The following IGF1R variants were observed in gnomAD, a reference collection of about 807,000 sequenced individuals.
The protein encoded by IGF1R is insulin-like growth factor 1 receptor.
A neutral mutation model predicts 144.6 loss-of-function variants in IGF1R; 44 were observed. That is an observed-to-expected ratio of 0.30 (90% confidence interval 0.24 to 0.39). The LOEUF (loss-of-function observed/expected upper bound fraction) is 0.39. Among genes scored for constraint, IGF1R ranks in the 10% least tolerant of loss-of-function variants. IGF1R has a pLI of 1.00. For synonymous variants in IGF1R, 795 were observed against 722.8 expected (o/e 1.10, Z -1.60); for missense variants, 1,355 against 1,833.7 (o/e 0.74, Z 4.77).
At chr15:98,929,290 C>A (rs149067706) in intron 13 of IGF1R, among the ~76,000 whole-genome samples, 9 of 152,244 alleles carry the variant, frequency 5.9e-5, no homozygotes, top group Middle Eastern at 3.4e-3. Flanking sequence ...TTTCTTCAGT[C>A]TATCATTGAA....
intron 13 of IGF1R, among the ~76,000 whole-genome samples, chr15:98,929,005 A>G (rs934832162): frequency 2.0e-5 from 3 of 152,210 alleles, no homozygotes; most frequent in African/African-American, 7.2e-5. Context: ...GACTGTACAT[A>G]GATGTAAGAA....
intron 2 of IGF1R, among the ~76,000 whole-genome samples, chr15:98,850,089 G>A (rs766977291): frequency 7.2e-5 from 11 of 152,236 alleles, no homozygotes; most frequent in Non-Finnish European, 1.3e-4. Context: ...GTTGTTCATT[G>A]TAGTGTTTCA....
chr15:98,727,756 A>C (rs1375732618), intron 2 of IGF1R, among the ~76,000 whole-genome samples: 13 of 152,136 alleles, frequency 8.5e-5, no homozygotes, highest in African/African-American at 3.1e-4. Flanking sequence ...TGGGTCCAGC[A>C]CCCGCTGGGA....
At chr15:98,881,030 C>G (rs958817426) in intron 2 of IGF1R, among the ~76,000 whole-genome samples, 4 of 152,166 alleles carry the variant, frequency 2.6e-5, no homozygotes, top group Admixed American at 2.0e-4. Context: ...AGGCTGGAAA[C>G]TGCTTGCACA....
At chr15:98,675,265 A>G (rs897173526) in intron 1 of IGF1R, among the ~76,000 whole-genome samples, 2 of 152,182 alleles carry the variant, frequency 1.3e-5, no homozygotes, top group African/African-American at 4.8e-5. Context: ...CTGGGATTAC[A>G]GGTGTGAGCC....
At chr15:98,875,115 T>C (rs926577316) in intron 2 of IGF1R, among the ~76,000 whole-genome samples, 4 of 152,064 alleles carry the variant, frequency 2.6e-5, no homozygotes, top group African/African-American at 9.7e-5. Flanking sequence ...CCTGCCCAGG[T>C]CCTCGGCTCC....
At chr15:98,841,809 C>T (rs1400603696) in intron 2 of IGF1R, among the ~76,000 whole-genome samples, 1 of 152,184 alleles carries the variant, frequency 6.6e-6, no homozygotes, top group African/African-American at 2.4e-5. Context: ...GGTTGCTTTT[C>T]TTCCTTGGAA....
intron 1 of IGF1R, among the ~76,000 whole-genome samples, chr15:98,667,734 C>G (rs2052780982): frequency 6.6e-6 from 1 of 152,146 alleles, no homozygotes; most frequent in South Asian, 2.1e-4. Context: ...TCACCTTGGT[C>G]TGAGACCAAT....
chr15:98,766,928 A>T (rs2055450765), intron 2 of IGF1R, among the ~76,000 whole-genome samples: 1 of 152,218 alleles, frequency 6.6e-6, no homozygotes, highest in African/African-American at 2.4e-5. Context: ...ACTCCAGCTC[A>T]TCCAGCCAGC....
intron 13 of IGF1R, 121 bp from the exon 14 acceptor site, chr15:98,929,437 T>C (rs2015853988): frequency 1.3e-6 from 1 of 774,290 alleles, no homozygotes; most frequent in Non-Finnish European, 2.3e-6. Context: ...ATTCTTACTG[T>C]ATGATGGGGA....
chr15:98,947,078 G>T (rs1321236900), intron 19 of IGF1R, among the ~76,000 whole-genome samples: 3 of 152,174 alleles, frequency 2.0e-5, no homozygotes, highest in Non-Finnish European at 2.9e-5. Context: ...AGAGCTTCCC[G>T]CACAAAGCTG....
At chr15:98,928,710 T>C (rs2015822333) in intron 13 of IGF1R, among the ~76,000 whole-genome samples, 1 of 152,178 alleles carries the variant, frequency 6.6e-6, no homozygotes, top group African/African-American at 2.4e-5. Flanking sequence ...TCCACTTTTC[T>C]AGTTGTCATG....
chr15:98,724,724 T>C (rs996083053), intron 2 of IGF1R, among the ~76,000 whole-genome samples: 2 of 152,146 alleles, frequency 1.3e-5, no homozygotes, highest in African/African-American at 4.8e-5. Context: ...GGATTTTCCT[T>C]GCAGTCACTG....
intron 2 of IGF1R, among the ~76,000 whole-genome samples, chr15:98,803,406 G>GT (rs2056402903): frequency 6.6e-6 from 1 of 152,188 alleles, no homozygotes; most frequent in South Asian, 2.1e-4. Context: ...AGGACCAGAA[G>GT]TTGCTCTGGG....
At chr15:98,738,711 T>C (rs908637236) in intron 2 of IGF1R, among the ~76,000 whole-genome samples, 8 of 152,312 alleles carry the variant, frequency 5.3e-5, no homozygotes, top group East Asian at 3.9e-4. Context: ...TAACTGGAAA[T>C]TCAACTCTGT....
chr15:98,959,120 T>C lies in IGF1R; in HGVS notation c.*1678T>C, dbSNP rs2017125845. On this transcript the variant is annotated 3_prime_UTR_variant, in exon 21 of 21. Transcript: ENST00000650285. ...AGGTTAAATATTTCACACGTCTTTG[T>C]TCAGTGTTTCCACTCACCGTGGTTG... The C allele has an allele frequency of 8.6e-6, 2 of 233,328 alleles. No homozygotes were observed. Among genetic ancestry groups the C allele is most frequent in the African/African-American group, 2.2e-5 (1 of 45,458 alleles). 14.5% of individuals were successfully genotyped at this position (233,328 alleles called of 1,614,324 possible). A position where few individuals can be genotyped will look rare whatever the true frequency, so the allele number is the denominator to read the frequency against.
chr15:98,872,823 T>C (rs1223901498), intron 2 of IGF1R, among the ~76,000 whole-genome samples: 2 of 151,374 alleles, frequency 1.3e-5, no homozygotes, highest in East Asian at 3.9e-4. Flanking sequence ...TTTTAAACAT[T>C]GACTTTCCCT....
intron 2 of IGF1R, among the ~76,000 whole-genome samples, chr15:98,801,155 A>G (rs1029709373): frequency 2.0e-5 from 3 of 151,854 alleles, no homozygotes; most frequent in South Asian, 2.1e-4. Context: ...CCTCTCCCCA[A>G]CCTCAGAGCC....
intron 2 of IGF1R, among the ~76,000 whole-genome samples, chr15:98,765,591 T>C (rs1307685485): frequency 6.6e-6 from 1 of 152,132 alleles, no homozygotes; most frequent in Non-Finnish European, 1.5e-5. Flanking sequence ...CCCAAAGTGC[T>C]GGGATTACAG....
Sources: gnomAD v4.1 joint callset for allele counts (sites outside exome capture counted in the v4.1 genomes callset) on GRCh38, gnomAD v4.1.1 for gene constraint, MANE v1.5 for transcripts, NCBI Gene and HGNC (gene_info 2026-07-23, HGNC 2026-07-21) for gene names.